Variants in DNAH2 observed in about 807,000 individuals in gnomAD.
DNAH2 encodes dynein axonemal heavy chain 2.
A neutral mutation model predicts 523.5 loss-of-function variants in DNAH2; 323 were observed. The observed-to-expected ratio is 0.62, with a 90% CI of 0.56 to 0.68. The LOEUF (loss-of-function observed/expected upper bound fraction) is 0.68, where lower values mean the gene tolerates loss of function less well. Ranked by LOEUF, DNAH2 falls within the 30% of genes least tolerant of loss-of-function variation. The pLI, the probability that DNAH2 is intolerant of heterozygous loss-of-function variation, is 0.00. For synonymous variants in DNAH2, 2,093 were observed against 2,177.4 expected, an observed-to-expected ratio of 0.96 and a Z score of 1.08; for missense variants, 4,907 against 5,701.5, an observed-to-expected ratio of 0.86 and a Z score of 4.49.
intron 12 of DNAH2, among the ~76,000 whole-genome samples, chr17:7,753,777 G>A (rs1307926354): frequency 6.6e-6 from 1 of 152,004 alleles, no homozygotes; most frequent in Non-Finnish European, 1.5e-5. Flanking sequence ...ACGAAACCCT[G>A]TCTCTACTAA....
At chr17:7,756,476 A>G (rs1341278985) in intron 12 of DNAH2, among the ~76,000 whole-genome samples, 4 of 151,356 alleles carry the variant, frequency 2.6e-5, no homozygotes, top group Non-Finnish European at 5.9e-5. Context: ...GGGTCTCACT[A>G]TGTTGCCCAG....
Position 7,779,264 on chromosome 17 carries a change from G to C in DNAH2, c.5563G>C (p.Asp1855His). 1 of 1,614,130 alleles carries C rather than the reference G, an allele frequency of 6.2e-7. No homozygotes were observed. Among genetic ancestry groups the C allele is most frequent in the Non-Finnish European group, 8.5e-7 (1 of 1,180,044 alleles). ...GCAGACTGGAGCTTGGGGCTGCTTT[G>C]ATGAGTTTAACCGCATCAACATCGA... ...LAQTGAWGCF[D>H]EFNRINIEVL... is the part of the protein sequence containing the mutation. Residue 1855 changes from aspartate to histidine, a missense_variant, in exon 36 of 86, where the codon GAT (aspartate) becomes CAT (histidine). Coordinates refer to ENST00000572933, the MANE Select transcript of DNAH2 (RefSeq NM_020877.5).
At chr17:7,814,982 CT>C (rs1291364690) in intron 63 of DNAH2, among the ~76,000 whole-genome samples, 1 of 152,110 alleles carries the variant, frequency 6.6e-6, no homozygotes, top group Non-Finnish European at 1.5e-5. Context: ...GTATGTCTTT[CT>C]TTCTTTTTGA....
Position 7,787,979 on chromosome 17 carries a change from G to A in DNAH2, c.6723G>A (p.Trp2241Ter). 3 of 1,614,194 alleles carry A rather than the reference G, an allele frequency of 1.9e-6. No individual in the cohort carries two copies. Among genetic ancestry groups the A allele is most frequent in the Non-Finnish European group, 2.5e-6 (3 of 1,180,020 alleles). The change falls in exon 43 of 86, where the codon TGG (tryptophan) becomes TGA (stop). Residue 2241 changes from tryptophan to a stop codon, truncating the protein, a stop_gained. Coordinates refer to ENST00000572933, the MANE Select transcript of DNAH2 (RefSeq NM_020877.5). LOFTEE classifies it high-confidence loss of function. ...DLGWKPYVQS[W>*]LEKRPKAEVE... is the part of the protein sequence containing the mutation. ...GCTGGAAGCCCTATGTTCAGTCATG[G>A]CTGGAGAAGAGGCCAAAGGTATGAA...
At chr17:7,738,244 G>C (rs2075200462) in intron 8 of DNAH2, 1 of 616,400 alleles carries the variant, frequency 1.6e-6, no homozygotes, top group African/African-American at 1.8e-5. Context: ...CGAGACCCAG[G>C]AGTTTCTACA....
intron 12 of DNAH2, among the ~76,000 whole-genome samples, chr17:7,751,116 GTTAT>G (rs141014293): frequency 0.011 from 1,702 of 150,432 alleles, 5 homozygotes; most frequent in African/African-American, 0.021. Context: ...AAAAAATCAA[GTTAT>G]TTATTTATTT....
intron 1 of DNAH2, among the ~76,000 whole-genome samples, chr17:7,719,337 C>T (rs2074524017): frequency 6.6e-6 from 1 of 152,084 alleles, no homozygotes; most frequent in African/African-American, 2.4e-5. Flanking sequence ...CCATGTTGGC[C>T]AGGCTGGTCT....
At position 7,768,186 on chromosome 17, in the gene DNAH2, A is replaced by T. The variant is rs771449045; in HGVS notation, c.3860A>T (p.Glu1287Val). The T allele has an allele frequency of 7.4e-6, 12 of 1,614,044 alleles. No homozygotes were observed. In the Admixed American group the frequency reaches 2.0e-4, roughly 27 times the overall value. ...EYKDRNWEIIETTRSKIEQFK... is the reference protein window; with the variant it reads ...EYKDRNWEIIVTTRSKIEQFK... ...CAGGACCGAAACTGGGAAATTATTG[A>T]AACCACTCGCTCAAAAATAGAGCAG... The change falls in exon 24 of 86, where the codon GAA (glutamate) becomes GTA (valine). Residue 1287 changes from glutamate (E) to valine (V), a missense_variant. By Grantham distance (121) the Glu-to-Val change is moderately radical. Around this residue, in one of 3 missense-constraint regions of DNAH2, gnomAD observed 2,806 missense variants for 3,190.8 expected, o/e 0.88. Transcript: ENST00000572933.
intron 8 of DNAH2, 71 bp downstream of exon 8, chr17:7,737,329 C>A: frequency 6.7e-7 from 1 of 1,494,014 alleles, no homozygotes; most frequent in South Asian, 1.2e-5. Flanking sequence ...AGGGGGAATG[C>A]ATTCGGCAGA....
At chr17:7,763,436 G>C (rs2076063399) in intron 18 of DNAH2, among the ~76,000 whole-genome samples, 1 of 152,172 alleles carries the variant, frequency 6.6e-6, no homozygotes, top group Admixed American at 6.5e-5. Context: ...GTGAGCCACT[G>C]TGCCTGGCCA....
At chr17:7,788,034 G>A in intron 43 of DNAH2, 37 bp downstream of exon 43, 1 of 1,613,348 alleles carries the variant, frequency 6.2e-7, no homozygotes, top group South Asian at 1.1e-5. Flanking sequence ...AGTAACCAGG[G>A]TGGCTCCAGG....
rs909146766 is a variant in DNAH2, at chr17:7,766,230, G to T, written c.3512-88G>T. 1.1e-5 allele frequency: 16 copies of T among 1,423,392 alleles called. No homozygotes were observed. In the African/African-American group the frequency reaches 2.3e-4, roughly 20 times the overall value. 88.2% of individuals were successfully genotyped at this position (1,423,392 alleles called of 1,614,324 possible). A position where few individuals can be genotyped will look rare whatever the true frequency, so the allele number is the denominator to read the frequency against. Reference sequence around the variant, plus strand: ...CCCTCTCTCACGTGAGGAGAGAGGTGAGATTTGCCCACAAAGAGATAGGAG... The same window carrying T: ...CCCTCTCTCACGTGAGGAGAGAGGTTAGATTTGCCCACAAAGAGATAGGAG... On this transcript the variant is annotated intron_variant, in intron 21 of 85. Transcript: ENST00000572933.
rs1567659650 is a variant in DNAH2 at position 7,764,210 on chromosome 17, G to A, written c.3273G>A (p.Gln1091=). ...LKHDLANVET[Q]IPPIHEQFAI... ...ACGACTTGGCCAACGTGGAGACTCA[G>A]ATCCCTCCCATACACGAGCAATTTG... The change falls in exon 20 of 86, where the codon CAG becomes CAA. Residue 1091 remains glutamine (Q), a synonymous_variant. Coordinates refer to ENST00000572933, the MANE Select transcript of DNAH2 (RefSeq NM_020877.5). The A allele has an allele frequency of 1.2e-6, 2 of 1,614,164 alleles. No homozygotes were observed. Among genetic ancestry groups the A allele is most frequent in the Non-Finnish European group, 1.7e-6 (2 of 1,180,024 alleles).
intron 12 of DNAH2, chr17:7,743,619 T>C (rs920882407): frequency 2.3e-5 from 11 of 482,616 alleles, no homozygotes; most frequent in African/African-American, 5.9e-5. Context: ...TGAGCTGAGA[T>C]CACACCACTA....
rs569615975 is a variant in DNAH2, at chr17:7,774,759, G to C, written c.4502G>C (p.Gly1501Ala). The C allele has an allele frequency of 2.5e-6, 4 of 1,612,574 alleles. No individual in the cohort carries two copies. The Admixed American group carries it at 6.7e-5, about 27-fold the overall frequency. Reference protein sequence around the residue: ...NNALRSTHHPGLLDTLIEMNT... With the variant: ...NNALRSTHHPALLDTLIEMNT... ...TGTCATTCATCGCTCTTCTTCCCAG[G>C]CCTCCTGGACACATTGATAGAAATG... is the stretch of plus-strand genomic sequence containing the variant. The change falls in exon 29 of 86, where the codon GGC becomes GCC. Residue 1501 changes from glycine (G) to alanine (A), a missense_variant and splice_region_variant. This residue lies in a region of DNAH2 where 2,806 missense variants were observed against 3,190.8 expected (regional missense o/e 0.88). Transcript: ENST00000572933.
chr17:7,795,990 ATATATATAGTG>A (rs2077050704), intron 49 of DNAH2, among the ~76,000 whole-genome samples: 1 of 147,776 alleles, frequency 6.8e-6, no homozygotes, highest in Admixed American at 6.8e-5. Context: ...TATAGTATAT[ATATATATAGTG>A]TTATATAATA....
intron 7 of DNAH2, among the ~76,000 whole-genome samples, chr17:7,735,073 C>A (rs909785589): frequency 6.6e-6 from 1 of 152,240 alleles, no homozygotes; most frequent in Middle Eastern, 3.4e-3. Context: ...TTGTTTGAAT[C>A]TGCCTTCCAA....
intron 77 of DNAH2, among the ~76,000 whole-genome samples, chr17:7,826,199 T>C (rs146357426): frequency 0.037 from 5,604 of 152,288 alleles, 268 homozygotes; most frequent in African/African-American, 0.1. Flanking sequence ...TTTGCATTTT[T>C]AGTAGAGACA....
At chr17:7,811,553 C>T (rs1454688837) in intron 63 of DNAH2, among the ~76,000 whole-genome samples, 3 of 152,036 alleles carry the variant, frequency 2.0e-5, no homozygotes, top group Admixed American at 1.3e-4. Flanking sequence ...TCTTACAGTT[C>T]CGAAGGCTGG....
Sources: allele counts gnomAD v4.1 joint callset (sites outside exome capture counted in the v4.1 genomes callset), GRCh38; gene constraint gnomAD v4.1.1; regional missense constraint gnomAD v4.1.1; transcripts MANE v1.5; gene names NCBI Gene and HGNC (gene_info 2026-07-23, HGNC 2026-07-21).